CPA5: variants seen among roughly 807,000 people sequenced by gnomAD.
CPA5 encodes the protein testicular tissue protein Li 32.
A neutral mutation model predicts 52.2 loss-of-function variants in CPA5; 38 were observed. That is an observed-to-expected ratio of 0.73 (90% CI 0.56 to 0.95). CPA5 has a LOEUF of 0.95. Ranked by LOEUF, CPA5 falls within the 40% of genes least tolerant of loss-of-function variation. CPA5 has a pLI of 0.00. For missense variants in CPA5, 519 were observed against 566.7 expected (o/e 0.92, Z 0.86); for synonymous variants, 198 against 213.7 (o/e 0.93, Z 0.64).
chr7:130,348,862 T>G (rs1794941788), intron 4 of CPA5, among the ~76,000 whole-genome samples: 1 of 152,070 alleles, frequency 6.6e-6, no homozygotes, highest in Non-Finnish European at 1.5e-5. Context: ...AACGGAAAAT[T>G]CCAGAAAGAA....
At chr7:130,363,052 G>A in intron 9 of CPA5, 58 bp downstream of exon 9, 2 of 1,077,878 alleles carry the variant, frequency 1.9e-6, no homozygotes, top group Non-Finnish European at 2.8e-6. Flanking sequence ...ATGGAGAAAA[G>A]GTCACTGTGC....
chr7:130,371,546 C>T (rs549548996), downstream of CPA5, among the ~76,000 whole-genome samples: 18 of 152,182 alleles, frequency 1.2e-4, no homozygotes, highest in South Asian at 3.3e-3. Context: ...AAAGTTGAGG[C>T]TGAAACTGCT....
chr7:130,371,756 C>T (rs1554409963), downstream of CPA5, among the ~76,000 whole-genome samples: 1 of 152,156 alleles, frequency 6.6e-6, no homozygotes, highest in Non-Finnish European at 1.5e-5. Flanking sequence ...AGGGTTTCTC[C>T]ATGTTGGTCA....
At chr7:130,369,974 T>G (rs1796277376), downstream of CPA5, among the ~76,000 whole-genome samples, 1 of 152,214 alleles carries the variant, frequency 6.6e-6, no homozygotes, top group African/African-American at 2.4e-5. Flanking sequence ...CAATATAGTG[T>G]CTAAGCAGCA....
intron 6 of CPA5, 83 bp from the exon 7 acceptor site, chr7:130,361,060 G>C: frequency 1.2e-6 from 1 of 857,838 alleles, no homozygotes; most frequent in Non-Finnish European, 2.0e-6. Context: ...AGTGGGAAGG[G>C]ACAGGGAGAA....
chr7:130,353,477 G>T (rs1431023503), intron 5 of CPA5, among the ~76,000 whole-genome samples: 2 of 152,098 alleles, frequency 1.3e-5, no homozygotes, highest in East Asian at 1.9e-4. Flanking sequence ...CCACCTGGGG[G>T]TGCAATGGGC....
At chr7:130,351,981 C>T (rs561727171) in intron 5 of CPA5, among the ~76,000 whole-genome samples, 1 of 152,274 alleles carries the variant, frequency 6.6e-6, no homozygotes, top group Non-Finnish European at 1.5e-5. Context: ...CAGCTCCACG[C>T]TCCGTGTCAA....
chr7:130,362,392 C>G (rs1554406894), intron 7 of CPA5, 46 bp from the exon 8 acceptor site: 1 of 1,396,624 alleles, frequency 7.2e-7, no homozygotes, highest in African/African-American at 1.4e-5. Flanking sequence ...GAGACAGTAG[C>G]TGTCTGAGTT....
intron 11 of CPA5, 145 bp from the exon 12 acceptor site, chr7:130,367,761 C>T: frequency 1.2e-6 from 1 of 839,928 alleles, no homozygotes; most frequent in Admixed American, 2.0e-5. Flanking sequence ...GCTGGAAATG[C>T]TGTGCTCCCT....
chr7:130,346,412 A>C lies in CPA5; in HGVS notation c.-74A>C. 1 of 1,083,992 alleles carries C rather than the reference A, an allele frequency of 9.2e-7. No individual in the cohort carries two copies. The highest frequency in any genetic ancestry group is 1.4e-6 in the Non-Finnish European group (1 of 739,062). 67.1% of individuals were successfully genotyped at this position (1,083,992 alleles called of 1,614,324 possible). On this transcript the variant is annotated 5_prime_UTR_variant, in exon 3 of 13. Transcript: ENST00000474905. Reference sequence around the variant, plus strand: ...TCTCAGGCTGGGCTTTCCAGCCTCTAGGTGCTGTGCTGTCCTGAGGCCTGG... The same window carrying C: ...TCTCAGGCTGGGCTTTCCAGCCTCTCGGTGCTGTGCTGTCCTGAGGCCTGG...
chr7:130,347,252 G>A (rs1346113992), intron 3 of CPA5, among the ~76,000 whole-genome samples: 1 of 152,128 alleles, frequency 6.6e-6, no homozygotes, highest in African/African-American at 2.4e-5. Context: ...CACCTCCATC[G>A]GGAAGGAAAG....
At chr7:130,348,297 T>C (rs190954782) in intron 4 of CPA5, among the ~76,000 whole-genome samples, 189 of 152,290 alleles carry the variant, frequency 1.2e-3, no homozygotes, top group African/African-American at 3.6e-3. Context: ...CCTGAGAACA[T>C]TTGTCCTCTG....
chr7:130,372,545 C>G (rs1554410045), downstream of CPA5, among the ~76,000 whole-genome samples: 2 of 152,214 alleles, frequency 1.3e-5, no homozygotes, highest in Non-Finnish European at 2.9e-5. Flanking sequence ...CCTCTACTTT[C>G]AAGATGGCTG....
In CPA5 at chr7:130,359,938, G is replaced by C. The variant is rs143297547; in HGVS notation, c.432+251G>C. Among the ~76,000 whole-genome samples, 118 of 152,332 alleles carry C rather than the reference G, an allele frequency of 7.7e-4. No individual in the cohort carries two copies. The East Asian group carries it at 0.022, about 29-fold the overall frequency. On this transcript the variant is annotated intron_variant, in intron 6 of 12. Coordinates refer to ENST00000474905, the MANE Select transcript of CPA5 (RefSeq NM_080385.5). Reference sequence around the variant, plus strand: ...CAGCCCTAGACAGGTACAGAGCAGAGTAATGGGTCTACTAGGCAGAACACT... The same window carrying C: ...CAGCCCTAGACAGGTACAGAGCAGACTAATGGGTCTACTAGGCAGAACACT...
At chr7:130,349,603 G>T (rs1795000683) in intron 4 of CPA5, among the ~76,000 whole-genome samples, 1 of 152,132 alleles carries the variant, frequency 6.6e-6, no homozygotes, top group South Asian at 2.1e-4. Context: ...GTAACACAAA[G>T]AATACGTGCT....
rs922203079 is a variant in CPA5, at chr7:130,345,059, G to A, written c.-298G>A. On this transcript the variant is annotated 5_prime_UTR_variant, in exon 1 of 13. It removes an upstream start codon present in the reference 5' UTR. Coordinates refer to ENST00000474905, the MANE Select transcript of CPA5 (RefSeq NM_080385.5). ...ATCTCCATTGCTACTGAAGCTGAAT[G>A]TTACTTGGGTGGAAAGCATAACTGC... The A allele has an allele frequency of 3.9e-5, 6 of 152,172 alleles. No homozygotes were observed. The highest frequency in any genetic ancestry group is 2.9e-5 in the Non-Finnish European group (2 of 68,034). 9.4% of individuals were successfully genotyped at this position (152,172 alleles called of 1,614,324 possible).
intron 1 of CPA5, 161 bp from the exon 2 acceptor site, chr7:130,345,678 T>C (rs1554401965): frequency 6.6e-6 from 1 of 152,258 alleles, no homozygotes; most frequent in African/African-American, 2.4e-5. Flanking sequence ...AAAGGGAATC[T>C]TGATTGAATT....
chr7:130,368,791 G>A (rs1554409477), downstream of CPA5: 3 of 592,506 alleles, frequency 5.1e-6, no homozygotes, highest in Non-Finnish European at 8.8e-6. Flanking sequence ...GGGGACGAGA[G>A]GCTGCTTCTC....
chr7:130,367,886 C>T lies in CPA5; in HGVS notation c.1039-20C>T, dbSNP rs373693585. On this transcript the variant is annotated intron_variant, in intron 11 of 12. Transcript: ENST00000474905. ...CCCCGGGGAGCCCCTGCCTTTCACCCCGCCAATGTCATCTTGCAGTACGAT... is the reference window on the plus strand; with the variant it reads ...CCCCGGGGAGCCCCTGCCTTTCACCTCGCCAATGTCATCTTGCAGTACGAT... 6.6e-5 allele frequency: 107 copies of T among 1,611,560 alleles called. No homozygotes were observed. Among genetic ancestry groups the T allele is most frequent in the Non-Finnish European group, 8.5e-5 (100 of 1,177,712 alleles).
Sources: allele counts gnomAD v4.1 joint callset (sites outside exome capture counted in the v4.1 genomes callset), GRCh38; gene constraint gnomAD v4.1.1; transcripts MANE v1.5; gene names NCBI Gene and HGNC (gene_info 2026-07-23, HGNC 2026-07-21).